Variants in CDH18 observed in about 807,000 individuals in gnomAD.
CDH18 encodes the protein cadherin-18.
CDH18 carries 31 observed loss-of-function variants against 67.9 expected under a neutral mutation model. That is an observed-to-expected ratio of 0.46 (90% confidence interval 0.34 to 0.62). The LOEUF is 0.62. Ranked by LOEUF, CDH18 falls within the 20% of genes least tolerant of loss-of-function variation. CDH18 has a pLI of 0.01. For synonymous variants in CDH18, 362 were observed against 347.2 expected, an observed-to-expected ratio of 1.04 and a Z score of -0.48; for missense variants, 890 against 975.5, an observed-to-expected ratio of 0.91 and a Z score of 1.17.
intron 3 of CDH18, among the ~76,000 whole-genome samples, chr5:19,773,657 A>G (rs993453350): frequency 6.6e-6 from 1 of 152,144 alleles, no homozygotes; most frequent in South Asian, 2.1e-4. Flanking sequence ...TTTATAGGCT[A>G]AAGGTAATAT....
At chr5:19,935,247 G>A (rs1794111274) in intron 2 of CDH18, among the ~76,000 whole-genome samples, 1 of 151,148 alleles carries the variant, frequency 6.6e-6, no homozygotes, top group Non-Finnish European at 1.5e-5. Context: ...GGAAAGATGA[G>A]AATTAACAGG....
chr5:19,694,971 G>A (rs1485439567), intron 5 of CDH18, among the ~76,000 whole-genome samples: 1 of 152,072 alleles, frequency 6.6e-6, no homozygotes, highest in Non-Finnish European at 1.5e-5. Flanking sequence ...CATAGCTGGA[G>A]AACAGTGTAC....
chr5:19,755,618 A>G (rs1033200476), intron 3 of CDH18, among the ~76,000 whole-genome samples: 12 of 147,816 alleles, frequency 8.1e-5, no homozygotes, highest in Non-Finnish European at 1.6e-4. Flanking sequence ...ACATATACAT[A>G]TATCTCCTAT....
intron 3 of CDH18, among the ~76,000 whole-genome samples, chr5:19,776,860 G>A (rs540990496): frequency 6.6e-6 from 1 of 152,270 alleles, no homozygotes; most frequent in East Asian, 1.9e-4. Flanking sequence ...AATAGTGAAA[G>A]TAGTAATAGG....
intron 5 of CDH18, among the ~76,000 whole-genome samples, chr5:19,703,108 G>A (rs1403649061): frequency 5.3e-5 from 8 of 152,144 alleles, no homozygotes; most frequent in Non-Finnish European, 1.2e-4. Context: ...TTCCTACTCC[G>A]CACTCCATAT....
At chr5:20,231,953 C>T (rs989759551) in intron 2 of CDH18, among the ~76,000 whole-genome samples, 5 of 151,812 alleles carry the variant, frequency 3.3e-5, no homozygotes, top group African/African-American at 1.2e-4. Context: ...ATAATAGATG[C>T]TAGAATGTAA....
At chr5:20,166,231 A>C (rs920479487) in intron 2 of CDH18, among the ~76,000 whole-genome samples, 2 of 152,028 alleles carry the variant, frequency 1.3e-5, no homozygotes, top group Admixed American at 6.6e-5. Context: ...ACCTGAAGTC[A>C]GGAGTTTGAG....
At chr5:19,657,739 C>T (rs1372922580) in intron 5 of CDH18, among the ~76,000 whole-genome samples, 3 of 152,080 alleles carry the variant, frequency 2.0e-5, no homozygotes. Context: ...TTTACAAGAA[C>T]TAGGCTCTAA....
intron 2 of CDH18, among the ~76,000 whole-genome samples, chr5:20,109,270 G>C (rs774713235): frequency 6.6e-6 from 1 of 152,172 alleles, no homozygotes; most frequent in Non-Finnish European, 1.5e-5. Flanking sequence ...ATCCTTTTAC[G>C]AAAGAGGGTT....
At chr5:19,507,196 C>T (rs1744340503) in intron 10 of CDH18, among the ~76,000 whole-genome samples, 1 of 152,076 alleles carries the variant, frequency 6.6e-6, no homozygotes, top group Non-Finnish European at 1.5e-5. Context: ...AAATCAAAAC[C>T]ACAATGAGAT....
chr5:19,699,518 G>T (rs1054822449), intron 5 of CDH18, among the ~76,000 whole-genome samples: 1 of 151,934 alleles, frequency 6.6e-6, no homozygotes, highest in African/African-American at 2.4e-5. Context: ...CCTTTGAGAG[G>T]TAATTAGTTC....
chr5:20,524,728 T>C (rs1480071934), intron 1 of CDH18, among the ~76,000 whole-genome samples: 1 of 152,112 alleles, frequency 6.6e-6, no homozygotes, highest in African/African-American at 2.4e-5. Flanking sequence ...ATAGGTATTG[T>C]TGAGAAGAAA....
intron 1 of CDH18, among the ~76,000 whole-genome samples, chr5:20,409,755 A>T (rs1746604402): frequency 6.6e-6 from 1 of 151,650 alleles, no homozygotes; most frequent in South Asian, 2.1e-4. Context: ...CCTTAGCTAG[A>T]CTAACTAAGA....
At chr5:20,501,581 T>TTATATATATATATTATA (rs1754310118) in intron 1 of CDH18, among the ~76,000 whole-genome samples, 3 of 13,054 alleles carry the variant, frequency 2.3e-4, no homozygotes, top group Non-Finnish European at 5.1e-4. Context: ...TATATATATA[T>TTATATATATATATTATA]TATATATATA....
At chr5:19,765,334 CT>C (rs1772924103) in intron 3 of CDH18, among the ~76,000 whole-genome samples, 2 of 151,638 alleles carry the variant, frequency 1.3e-5, no homozygotes, top group African/African-American at 4.8e-5. Flanking sequence ...CTCACTTTCC[CT>C]TGAGGGAAAA....
In CDH18 at chr5:19,741,177, A is replaced by G. The variant is rs183337733; in HGVS notation, c.523+5765T>C. Reference sequence around the variant, plus strand: ...CTATGTCATCTATGTATATATGTATATATGTCATCTATGTATATATGTATA... The same window carrying G: ...CTATGTCATCTATGTATATATGTATGTATGTCATCTATGTATATATGTATA... On this transcript the variant is annotated intron_variant, in intron 4 of 12. Transcript: ENST00000382275. Among the ~76,000 whole-genome samples, 14 of 146,468 alleles carry G rather than the reference A, an allele frequency of 9.6e-5. No individual in the cohort carries two copies. In the East Asian group the frequency reaches 2.8e-3, roughly 29 times the overall value.
intron 5 of CDH18, among the ~76,000 whole-genome samples, chr5:19,692,938 C>T (rs1340275599): frequency 6.6e-6 from 1 of 152,022 alleles, no homozygotes; most frequent in African/African-American, 2.4e-5. Context: ...ATAACTACAC[C>T]TCTATATCTA....
intron 5 of CDH18, among the ~76,000 whole-genome samples, chr5:19,635,222 A>G (rs1025664911): frequency 2.6e-5 from 4 of 152,160 alleles, no homozygotes; most frequent in Non-Finnish European, 5.9e-5. Context: ...TATGTATACC[A>G]TGTTCCTTAC....
At chr5:20,155,024 T>C (rs1414828437) in intron 2 of CDH18, among the ~76,000 whole-genome samples, 1 of 152,200 alleles carries the variant, frequency 6.6e-6, no homozygotes, top group Non-Finnish European at 1.5e-5. Context: ...GGCTGTCATC[T>C]ATAAACAGAC....
Sources: gnomAD v4.1 joint callset for allele counts (sites outside exome capture counted in the v4.1 genomes callset) on GRCh38, gnomAD v4.1.1 for gene constraint, MANE v1.5 for transcripts, NCBI Gene and HGNC (gene_info 2026-07-23, HGNC 2026-07-21) for gene names.